NKAIN3: variants seen among roughly 807,000 people sequenced by gnomAD.
NKAIN3 encodes the protein sodium/potassium-transporting ATPase subunit beta-1-interacting protein 3.
In NKAIN3, 25 loss-of-function variants were observed where a neutral mutation model predicts 30.2. The observed-to-expected ratio is 0.83, with a 90% CI of 0.60 to 1.16. The LOEUF (loss-of-function observed/expected upper bound fraction) is 1.16, where lower values mean the gene tolerates loss of function less well. Ranked by LOEUF, NKAIN3 falls within the 50% of genes most tolerant of loss-of-function variation. The pLI is 0.00. For synonymous variants in NKAIN3, 91 were observed against 89.6 expected (o/e 1.02, Z -0.09); for missense variants, 225 against 254.1 (o/e 0.89, Z 0.78).
intron 1 of NKAIN3, among the ~76,000 whole-genome samples, chr8:62,321,928 T>C (rs1046332008): frequency 6.6e-6 from 1 of 152,102 alleles, no homozygotes; most frequent in African/African-American, 2.4e-5. Flanking sequence ...CCCCCAGAGG[T>C]GGAGTCTACA....
chr8:62,806,949 G>A (rs973321077), intron 4 of NKAIN3, among the ~76,000 whole-genome samples: 6 of 152,000 alleles, frequency 3.9e-5, no homozygotes, highest in Admixed American at 1.3e-4. Flanking sequence ...AGGATAGTGC[G>A]TGATGAAACG....
chr8:62,376,706 G>C (rs935103397), intron 1 of NKAIN3, among the ~76,000 whole-genome samples: 1 of 152,020 alleles, frequency 6.6e-6, no homozygotes, highest in Non-Finnish European at 1.5e-5. Flanking sequence ...CAAATGTTCA[G>C]CCTAGGGATT....
At position 62,952,734 on chromosome 8, in the gene NKAIN3, G is replaced by C. The variant is rs148652937; in HGVS notation, c.533-1168G>C. ...CTTCATAAATTGCAATAATTGAAAG[G>C]TTACAGAAAACATTGACATATCTCC... is the stretch of plus-strand genomic sequence containing the variant. On this transcript the variant is annotated intron_variant, in intron 5 of 6. Coordinates refer to ENST00000623646, the MANE Select transcript of NKAIN3 (RefSeq NM_001304533.3). Among the ~76,000 whole-genome samples, 47 of 152,258 alleles carry C rather than the reference G, an allele frequency of 3.1e-4. No homozygotes were observed. The East Asian group carries it at 7.9e-3, about 26-fold the overall frequency.
chr8:62,649,629 G>A (rs1812566640), intron 3 of NKAIN3, among the ~76,000 whole-genome samples: 2 of 152,142 alleles, frequency 1.3e-5, no homozygotes, highest in Non-Finnish European at 2.9e-5. Context: ...GAGCGGTGCT[G>A]GCAGAAGTTG....
At chr8:62,349,964 C>T (rs1349263752) in intron 1 of NKAIN3, among the ~76,000 whole-genome samples, 2 of 152,158 alleles carry the variant, frequency 1.3e-5, no homozygotes, top group South Asian at 2.1e-4. Flanking sequence ...TTACTGTTTA[C>T]GTTTAATTTC....
At chr8:62,461,125 G>A (rs1357599401) in intron 1 of NKAIN3, among the ~76,000 whole-genome samples, 1 of 152,194 alleles carries the variant, frequency 6.6e-6, no homozygotes, top group Non-Finnish European at 1.5e-5. Flanking sequence ...AGTTGCAGAT[G>A]CCTTGATGAT....
At chr8:62,644,044 A>T (rs1466337956) in intron 3 of NKAIN3, among the ~76,000 whole-genome samples, 1 of 152,118 alleles carries the variant, frequency 6.6e-6, no homozygotes, top group Non-Finnish European at 1.5e-5. Context: ...ATGGATGGAA[A>T]AGAAAGAGGA....
At chr8:62,440,258 G>A (rs1187816977) in intron 1 of NKAIN3, among the ~76,000 whole-genome samples, 1 of 152,072 alleles carries the variant, frequency 6.6e-6, no homozygotes, top group African/African-American at 2.4e-5. Context: ...CTTCATGTGT[G>A]AATTTTATGA....
In NKAIN3 at chr8:62,866,890, C is replaced by CAA. The variant is rs59832626; in HGVS notation, c.472-51549_472-51548dup. Among the ~76,000 whole-genome samples the CAA allele has an allele frequency of 9.4e-4, 118 of 125,870 alleles. No homozygotes were observed. The East Asian group carries it at 9.6e-3, about 10-fold the overall frequency. 82.6% of individuals were successfully genotyped at this position (125,870 alleles called of 152,430 possible). On this transcript the variant is annotated intron_variant, in intron 4 of 6. Transcript: ENST00000623646. ...TGAAACCCCGTCTCTACTAAAAATA[C>CAA]AAAAAAAAAAAAAAATTGGCCGGGC...
At chr8:62,935,002 C>A (rs1319143391) in intron 5 of NKAIN3, among the ~76,000 whole-genome samples, 1 of 152,126 alleles carries the variant, frequency 6.6e-6, no homozygotes, top group African/African-American at 2.4e-5. Flanking sequence ...AATTCTGCCT[C>A]CACGGAGTTT....
At chr8:62,943,893 G>A (rs994586106) in intron 5 of NKAIN3, among the ~76,000 whole-genome samples, 2 of 151,368 alleles carry the variant, frequency 1.3e-5, no homozygotes, top group African/African-American at 4.8e-5. Flanking sequence ...ATTATTCTAA[G>A]TGAAGTAACT....
intron 4 of NKAIN3, among the ~76,000 whole-genome samples, chr8:62,807,134 A>G (rs184144883): frequency 6.6e-6 from 1 of 152,208 alleles, no homozygotes; most frequent in Non-Finnish European, 1.5e-5. Context: ...GCATTTGTGA[A>G]GATTTAGAAT....
chr8:62,253,760 G>A (rs924553634), intron 1 of NKAIN3, among the ~76,000 whole-genome samples: 1 of 152,150 alleles, frequency 6.6e-6, no homozygotes, highest in African/African-American at 2.4e-5. Context: ...GTGTCTGTAG[G>A]GGGGTGGTGT....
chr8:62,313,471 T>A (rs1474706687), intron 1 of NKAIN3, among the ~76,000 whole-genome samples: 1 of 152,192 alleles, frequency 6.6e-6, no homozygotes, highest in Non-Finnish European at 1.5e-5. Context: ...CATGTATTGA[T>A]GTACAACTGG....
At chr8:62,868,574 C>A (rs1044428333) in intron 4 of NKAIN3, among the ~76,000 whole-genome samples, 2 of 152,224 alleles carry the variant, frequency 1.3e-5, no homozygotes, top group Admixed American at 1.3e-4. Context: ...AACTTTGATT[C>A]AGCCAGTGTA....
intron 4 of NKAIN3, among the ~76,000 whole-genome samples, chr8:62,804,695 T>C (rs1818207680): frequency 6.6e-6 from 1 of 152,184 alleles, no homozygotes; most frequent in Non-Finnish European, 1.5e-5. Context: ...GCCAATATCA[T>C]ACTGAATGGG....
intron 1 of NKAIN3, among the ~76,000 whole-genome samples, chr8:62,560,943 C>T (rs931303185): frequency 3.3e-5 from 5 of 152,012 alleles, no homozygotes; most frequent in Non-Finnish European, 7.4e-5. Flanking sequence ...TTTATATCTC[C>T]CATTTCTTAG....
chr8:62,844,836 C>T (rs556367141), intron 4 of NKAIN3, among the ~76,000 whole-genome samples: 8 of 152,112 alleles, frequency 5.3e-5, no homozygotes, highest in South Asian at 2.1e-4. Context: ...CCAGGACTAT[C>T]GGGGGCAGAA....
chr8:62,397,060 C>A (rs1181071732), intron 1 of NKAIN3, among the ~76,000 whole-genome samples: 1 of 152,128 alleles, frequency 6.6e-6, no homozygotes, highest in Non-Finnish European at 1.5e-5. Context: ...CTAGAAGAAT[C>A]ATCTTAAAAC....
Sources: allele counts gnomAD v4.1 joint callset (sites outside exome capture counted in the v4.1 genomes callset), GRCh38; gene constraint gnomAD v4.1.1; transcripts MANE v1.5; gene names NCBI Gene and HGNC (gene_info 2026-07-23, HGNC 2026-07-21).